MUSK: variants seen among roughly 807,000 people sequenced by gnomAD.
MUSK encodes muscle, skeletal receptor tyrosine-protein kinase.
A neutral mutation model predicts 88.7 loss-of-function variants in MUSK; 55 were observed. The observed-to-expected ratio is 0.62, with a 90% confidence interval of 0.50 to 0.78. MUSK has a LOEUF of 0.78. Among genes scored for constraint, MUSK ranks in the 30% least tolerant of loss-of-function variants. MUSK has a pLI of 0.00. For missense variants in MUSK, 1,015 were observed against 1,074.3 expected (o/e 0.94, Z 0.77); for synonymous variants, 387 against 391.9 (o/e 0.99, Z 0.15).
intron 5 of MUSK, chr9:110,727,405 CTATT>C: frequency 6.6e-6 from 1 of 152,150 alleles, no homozygotes; most frequent in African/African-American, 2.4e-5. Context: ...AAGGGTTTCA[CTATT>C]TATTTATGAC....
chr9:110,718,150 C>A (rs1484536836), intron 5 of MUSK, among the ~76,000 whole-genome samples: 1 of 152,044 alleles, frequency 6.6e-6, no homozygotes, highest in Non-Finnish European at 1.5e-5. Flanking sequence ...TGCAGAGCCT[C>A]CCTTTGTCCC....
chr9:110,671,004 G>A (rs756240493), intron 1 of MUSK, among the ~76,000 whole-genome samples: 11 of 151,944 alleles, frequency 7.2e-5, no homozygotes, highest in Admixed American at 3.9e-4. Flanking sequence ...ACAGAGTCTC[G>A]TTCTGTTGCC....
chr9:110,800,464 C>A lies in MUSK; in HGVS notation c.2086C>A (p.Pro696Thr), dbSNP rs762405737. Residue 696 changes from proline (P) to threonine (T), a missense_variant, in exon 15 of 15, where the codon CCC becomes ACC. Coordinates refer to ENST00000374448, the MANE Select transcript of MUSK (RefSeq NM_005592.4). ...TCAGGTCTCCAGCCCTGGGCCCCCA[C>A]CCCTCTCCTGTGCTGAGCAGCTTTG... ...RAQVSSPGPP[P>T]LSCAEQLCIA... 2 of 1,613,904 alleles carry A rather than the reference C, an allele frequency of 1.2e-6. No homozygotes were observed. Among genetic ancestry groups the A allele is most frequent in the South Asian group, 1.1e-5 (1 of 91,066 alleles).
intron 8 of MUSK, among the ~76,000 whole-genome samples, chr9:110,766,388 G>C (rs2077486106): frequency 1.3e-5 from 2 of 152,112 alleles, no homozygotes; most frequent in South Asian, 4.1e-4. Flanking sequence ...AGTTTTTGTG[G>C]AGTTTTGTGC....
intron 5 of MUSK, among the ~76,000 whole-genome samples, chr9:110,700,256 T>C (rs780788279): frequency 6.6e-5 from 10 of 152,178 alleles, no homozygotes; most frequent in East Asian, 1.9e-4. Context: ...TCACTAAAAG[T>C]CTGTAACAAG....
At chr9:110,741,745 T>G (rs570664444) in intron 6 of MUSK, among the ~76,000 whole-genome samples, 2 of 152,318 alleles carry the variant, frequency 1.3e-5, no homozygotes, top group South Asian at 4.1e-4. Flanking sequence ...TCCCTTCAAA[T>G]ACAGTACACA....
chr9:110,763,051 A>T (rs961020402), intron 8 of MUSK, among the ~76,000 whole-genome samples: 1 of 152,206 alleles, frequency 6.6e-6, no homozygotes, highest in Non-Finnish European at 1.5e-5. Context: ...CACAATGCGT[A>T]CATGTTTTAA....
intron 7 of MUSK, among the ~76,000 whole-genome samples, chr9:110,755,954 A>ATATATATATATACATACG (rs1564268738): frequency 9.0e-6 from 1 of 110,518 alleles, no homozygotes; most frequent in African/African-American, 3.2e-5. Flanking sequence ...ATATATACAC[A>ATATATATATATACATACG]TATATATATA....
chr9:110,731,593 C>T lies in MUSK; in HGVS notation c.629-2658C>T, dbSNP rs375876184. 1.1e-4 allele frequency among the ~76,000 whole-genome samples: 17 copies of T among 152,118 alleles called. No homozygotes were observed. In the East Asian group the frequency reaches 1.9e-3, roughly 17 times the overall value. On this transcript the variant is annotated intron_variant, in intron 5 of 14. Coordinates refer to ENST00000374448, the MANE Select transcript of MUSK (RefSeq NM_005592.4). ...GGCCTTATTGTCCTCTTAACCTAAT[C>T]CACTGCACTTAATGAAACCCATGGT... is the stretch of plus-strand genomic sequence containing the variant.
At chr9:110,694,280 G>C (rs1017142402) in intron 3 of MUSK, among the ~76,000 whole-genome samples, 3 of 149,482 alleles carry the variant, frequency 2.0e-5, no homozygotes, top group African/African-American at 7.4e-5. Flanking sequence ...CAGCTACTCG[G>C]GAAGCTGAGG....
chr9:110,755,979 CATATATATATATATATATGAATTT>C (rs2077316317), intron 7 of MUSK, among the ~76,000 whole-genome samples: 2 of 102,516 alleles, frequency 2.0e-5, no homozygotes, highest in African/African-American at 7.0e-5. Context: ...TATATATATA[CATATATATATATATATATGAATTT>C]ATTTAACACC....
chr9:110,679,308 C>T (rs2076075835), intron 1 of MUSK, among the ~76,000 whole-genome samples: 1 of 151,836 alleles, frequency 6.6e-6, no homozygotes, highest in Non-Finnish European at 1.5e-5. Context: ...AGGGCTTGTT[C>T]CTTTTATCAT....
At chr9:110,679,948 T>A (rs1001831069) in intron 1 of MUSK, among the ~76,000 whole-genome samples, 150 of 152,178 alleles carry the variant, frequency 9.9e-4, no homozygotes, top group Non-Finnish European at 6.2e-4. Context: ...TGTGATTTTT[T>A]AATATTCCAT....
intron 5 of MUSK, among the ~76,000 whole-genome samples, chr9:110,699,091 A>G (rs544677060): frequency 1.1e-4 from 16 of 152,330 alleles, no homozygotes; most frequent in African/African-American, 2.9e-4. Flanking sequence ...CCTTTGACCT[A>G]GAGAAAATTA....
chr9:110,727,559 T>C, intron 5 of MUSK: 1 of 184,736 alleles, frequency 5.4e-6, no homozygotes, highest in Non-Finnish European at 1.2e-5. Flanking sequence ...AATTGGCCAT[T>C]AAACCTGCCT....
rs2078146439 is a variant in MUSK, at chr9:110,805,128, G to A, written c.*4140G>A. Reference sequence around the variant, plus strand: ...TATTTCTATTTTTCCATTATAAAATGTAATGTTTGGATCATCCTGTTGCTA... The same window carrying A: ...TATTTCTATTTTTCCATTATAAAATATAATGTTTGGATCATCCTGTTGCTA... On this transcript the variant is annotated 3_prime_UTR_variant, in exon 15 of 15. Transcript: ENST00000374448. 6.6e-6 allele frequency among the ~76,000 whole-genome samples: 1 copy of A among 151,848 alleles called. No individual in the cohort carries two copies. The highest frequency in any genetic ancestry group is 1.5e-5 in the Non-Finnish European group (1 of 67,800).
chr9:110,728,644 C>A (rs984527637), intron 5 of MUSK: 4 of 1,260,744 alleles, frequency 3.2e-6, no homozygotes, highest in East Asian at 2.3e-5. Flanking sequence ...GTTTTGTTTG[C>A]GTGTTTATTG....
At chr9:110,730,997 G>C (rs554091930) in intron 5 of MUSK, among the ~76,000 whole-genome samples, 1 of 152,114 alleles carries the variant, frequency 6.6e-6, no homozygotes, top group East Asian at 1.9e-4. Context: ...AGATGCAAGA[G>C]AGCTGGGAGA....
At chr9:110,705,947 G>A (rs905307636) in intron 5 of MUSK, 6 of 364,420 alleles carry the variant, frequency 1.6e-5, no homozygotes, top group African/African-American at 1.3e-4. Context: ...ATTCTAAGAT[G>A]CTCATTATTT....
Sources: allele counts gnomAD v4.1 joint callset (sites outside exome capture counted in the v4.1 genomes callset), GRCh38; gene constraint gnomAD v4.1.1; transcripts MANE v1.5; gene names NCBI Gene and HGNC (gene_info 2026-07-23, HGNC 2026-07-21).